Variants in SYT6 observed in about 807,000 individuals in gnomAD.
The protein encoded by SYT6 is synaptotagmin-6.
In SYT6, 24 loss-of-function variants were observed where a neutral mutation model predicts 38.4. That is an observed-to-expected ratio of 0.62 (90% confidence interval 0.45 to 0.88). The LOEUF is 0.88. Among genes scored for constraint, SYT6 ranks in the 40% least tolerant of loss-of-function variants. The probability of loss-of-function intolerance (pLI) is 0.00; values close to 1 mark genes in which losing one functional copy is unlikely to be tolerated. For missense variants in SYT6, 611 were observed against 621.0 expected (o/e 0.98, Z 0.17); for synonymous variants, 265 against 241.9 (o/e 1.10, Z -0.89).
At chr1:114,147,973 A>G (rs1003510665) in intron 1 of SYT6, among the ~76,000 whole-genome samples, 4 of 152,218 alleles carry the variant, frequency 2.6e-5, no homozygotes, top group Admixed American at 2.6e-4. Flanking sequence ...GGGAGACTCC[A>G]GATCAGAGGA....
intron 3 of SYT6, among the ~76,000 whole-genome samples, chr1:114,104,351 T>C (rs1036934128): frequency 5.9e-5 from 9 of 152,318 alleles, no homozygotes; most frequent in African/African-American, 2.2e-4. Flanking sequence ...GGTCATCCTT[T>C]AAAAATAAAC....
chr1:114,106,834 C>T (rs893529949), intron 3 of SYT6, among the ~76,000 whole-genome samples: 3 of 152,154 alleles, frequency 2.0e-5, no homozygotes, highest in Admixed American at 6.5e-5. Context: ...CTTTGCCCTG[C>T]AGCTGTGCCC....
chr1:114,108,882 T>C (rs1676493979), intron 3 of SYT6, among the ~76,000 whole-genome samples: 1 of 152,200 alleles, frequency 6.6e-6, no homozygotes, highest in Admixed American at 6.5e-5. Flanking sequence ...TTAAGTGGCT[T>C]GTCTGAATCT....
At position 114,139,961 on chromosome 1, in the gene SYT6, T is replaced by G; in HGVS notation, c.166A>C (p.Thr56Pro). ...ACAACTGCGAGGAGGCTGACAGAGGTGCCTGCCCTCGGCATGAGCCAGGCA... is the reference window on the plus strand; with the variant it reads ...ACAACTGCGAGGAGGCTGACAGAGGGGCCTGCCCTCGGCATGAGCCAGGCA... ...ERSPSAAGAG[T>P]SVSLLAVVVI... The change falls in exon 2 of 8, where the codon ACC becomes CCC. Residue 56 changes from threonine to proline, a missense_variant and splice_region_variant. Physicochemically the swap from Thr to Pro is conservative, Grantham distance 38. Coordinates refer to ENST00000610222, the MANE Select transcript of SYT6 (RefSeq NM_001253772.2). 2.7e-6 allele frequency: 4 copies of G among 1,493,072 alleles called. No individual in the cohort carries two copies. In the South Asian group the frequency reaches 5.4e-5, roughly 20 times the overall value. 92.5% of individuals were successfully genotyped at this position (1,493,072 alleles called of 1,614,324 possible).
At chr1:114,113,446 A>G (rs1393170747) in intron 3 of SYT6, among the ~76,000 whole-genome samples, 2 of 151,970 alleles carry the variant, frequency 1.3e-5, no homozygotes, top group East Asian at 3.9e-4. Context: ...TAGACTCCAG[A>G]CTCATATATC....
chr1:114,122,690 A>G (rs987397712), intron 3 of SYT6, among the ~76,000 whole-genome samples: 2 of 152,150 alleles, frequency 1.3e-5, no homozygotes, highest in African/African-American at 2.4e-5. Context: ...ATACTTTCCT[A>G]GGGAACACCC....
chr1:114,151,410 G>A (rs957322402), intron 1 of SYT6, among the ~76,000 whole-genome samples: 1 of 152,058 alleles, frequency 6.6e-6, no homozygotes, highest in Non-Finnish European at 1.5e-5. Context: ...TGGGCCTGCC[G>A]ACTCTCACCC....
intron 1 of SYT6, among the ~76,000 whole-genome samples, chr1:114,149,361 G>T (rs182155917): frequency 2.6e-5 from 4 of 151,960 alleles, no homozygotes; most frequent in South Asian, 4.2e-4. Context: ...TCAGGGCTGG[G>T]GGGAGGGGAG....
intron 3 of SYT6, among the ~76,000 whole-genome samples, chr1:114,129,453 A>C (rs1571873249): frequency 7.1e-6 from 1 of 141,596 alleles, no homozygotes. Context: ...TTCATCTTTC[A>C]CTCTTTCCCC....
In SYT6 at chr1:114,137,508, T is replaced by G. The variant is rs753851590; in HGVS notation, c.1058A>C (p.Gln353Pro). ...SRETSIWKDIQYATSESVDLG... is the reference protein window; with the variant it reads ...SRETSIWKDIPYATSESVDLG... Reference sequence around the variant, plus strand: ...GGCTGTACTTACACTTGTGGCATATTGGATATCCTTCCAGATGGAGGTTTC... The same window carrying G: ...GGCTGTACTTACACTTGTGGCATATGGGATATCCTTCCAGATGGAGGTTTC... Residue 353 changes from glutamine (Q) to proline (P), a missense_variant, in exon 3 of 8, where the codon CAA becomes CCA. By Grantham distance (76) the Gln-to-Pro change is moderately conservative. Transcript: ENST00000610222. 6.8e-6 allele frequency: 11 copies of G among 1,613,196 alleles called. No homozygotes were observed. In the South Asian group the frequency reaches 1.2e-4, roughly 18 times the overall value.
chr1:114,092,330 CTCTCTCTCTGTGTGTGTGTGTG>C (rs1675359672), intron 7 of SYT6, among the ~76,000 whole-genome samples: 2 of 149,108 alleles, frequency 1.3e-5, no homozygotes, highest in South Asian at 4.3e-4. Context: ...CTCTCTCTCT[CTCTCTCTCTGTGTGTGTGTGTG>C]TGTGTGTGTG....
At chr1:114,152,000 G>A (rs957009574) in intron 1 of SYT6, among the ~76,000 whole-genome samples, 1 of 152,132 alleles carries the variant, frequency 6.6e-6, no homozygotes, top group Non-Finnish European at 1.5e-5. Context: ...ACTAGGGACA[G>A]CAGCGCCTCC....
intron 1 of SYT6, chr1:114,152,405 T>G (rs1679488742): frequency 6.6e-6 from 1 of 152,492 alleles, no homozygotes; most frequent in African/African-American, 2.4e-5. Flanking sequence ...GGATGGAGCC[T>G]GCAGAGTCTC....
At chr1:114,100,665 C>G (rs1013825072) in intron 4 of SYT6, among the ~76,000 whole-genome samples, 4 of 152,216 alleles carry the variant, frequency 2.6e-5, no homozygotes, top group Non-Finnish European at 4.4e-5. Context: ...AAAGGACCCT[C>G]TCTTAGGGAT....
At chr1:114,129,616 C>CTTTCCTTT (rs767321115) in intron 3 of SYT6, among the ~76,000 whole-genome samples, 122 of 58,958 alleles carry the variant, frequency 2.1e-3, no homozygotes, top group Admixed American at 5.1e-3. Flanking sequence ...TTCTTTCTTT[C>CTTTCCTTT]CTTTCTTTCT....
intron 1 of SYT6, among the ~76,000 whole-genome samples, chr1:114,148,055 T>G (rs1264132082): frequency 6.6e-6 from 1 of 152,184 alleles, no homozygotes; most frequent in Non-Finnish European, 1.5e-5. Flanking sequence ...GCCATCAGGA[T>G]AGGATCTGCT....
chr1:114,137,556 A>G lies in SYT6; in HGVS notation c.1010T>C (p.Phe337Ser), dbSNP rs376788803. The change falls in exon 3 of 8, where the codon TTT becomes TCT. Residue 337 changes from phenylalanine to serine, a missense_variant. Phe to Ser is a radical substitution (Grantham distance 155, BLOSUM62 -2). Coordinates refer to ENST00000610222, the MANE Select transcript of SYT6 (RefSeq NM_001253772.2). Reference protein sequence around the residue: ...MIGEVILDNLFEASDLSRETS... With the variant: ...MIGEVILDNLSEASDLSRETS... ...TTCCCGAGACAGGTCAGAGGCCTCAAAGAGGTTGTCCAGGATGACCTCGCC... is the reference window on the plus strand; with the variant it reads ...TTCCCGAGACAGGTCAGAGGCCTCAGAGAGGTTGTCCAGGATGACCTCGCC... The G allele has an allele frequency of 3.1e-6, 5 of 1,614,084 alleles. No homozygotes were observed. In the Admixed American group the frequency reaches 5.0e-5, roughly 16 times the overall value.
intron 3 of SYT6, among the ~76,000 whole-genome samples, chr1:114,111,630 C>T (rs1243321478): frequency 1.3e-5 from 2 of 152,248 alleles, no homozygotes; most frequent in Non-Finnish European, 2.9e-5. Context: ...TCCTCTGACT[C>T]CCTTGGTCTG....
chr1:114,098,280 G>T (rs897977598), intron 5 of SYT6, among the ~76,000 whole-genome samples: 1 of 152,170 alleles, frequency 6.6e-6, no homozygotes, highest in African/African-American at 2.4e-5. Context: ...GCTGGAATGT[G>T]ATTTATTCAC....
Sources: gnomAD v4.1 joint callset for allele counts (sites outside exome capture counted in the v4.1 genomes callset) on GRCh38, gnomAD v4.1.1 for gene constraint, MANE v1.5 for transcripts, NCBI Gene and HGNC (gene_info 2026-07-23, HGNC 2026-07-21) for gene names.